STIM1: variants seen among roughly 807,000 people sequenced by gnomAD.
STIM1 encodes the protein stromal interaction molecule 1.
STIM1 carries 25 observed loss-of-function variants against 74.7 expected under a neutral mutation model. That is an observed-to-expected ratio of 0.33 (90% CI 0.24 to 0.47). The LOEUF is 0.47. Among genes scored for constraint, STIM1 ranks in the 20% least tolerant of loss-of-function variants. The pLI, the probability that STIM1 is intolerant of heterozygous loss-of-function variation, is 1.00. For synonymous variants in STIM1, 328 were observed against 348.8 expected, an observed-to-expected ratio of 0.94 and a Z score of 0.66; for missense variants, 728 against 920.8, an observed-to-expected ratio of 0.79 and a Z score of 2.71.
chr11:3,958,837 G>T (rs181407112), intron 1 of STIM1, among the ~76,000 whole-genome samples: 234 of 151,844 alleles, frequency 1.5e-3, no homozygotes, highest in Non-Finnish European at 2.7e-3. Flanking sequence ...AGGCGTGGCA[G>T]TGGAGGCTGA....
At chr11:3,873,944 G>T (rs1590514066) in intron 1 of STIM1, among the ~76,000 whole-genome samples, 1 of 152,164 alleles carries the variant, frequency 6.6e-6, no homozygotes, top group African/African-American at 2.4e-5. Context: ...AATCTCTGTG[G>T]TTATAGTCTT....
intron 7 of STIM1, among the ~76,000 whole-genome samples, chr11:4,079,987 G>A (rs1423040878): frequency 1.3e-5 from 2 of 152,020 alleles, no homozygotes; most frequent in Non-Finnish European, 2.9e-5. Context: ...GGAGGCAAAG[G>A]GCAGGCAGAT....
At chr11:4,047,324 A>G (rs2094200955) in intron 3 of STIM1, among the ~76,000 whole-genome samples, 1 of 152,106 alleles carries the variant, frequency 6.6e-6, no homozygotes. Context: ...TACAACAAGT[A>G]AAAGAATTTG....
intron 6 of STIM1, 29 bp from the exon 7 acceptor site, chr11:4,074,473 T>G: frequency 6.2e-7 from 1 of 1,612,394 alleles, no homozygotes; most frequent in African/African-American, 1.3e-5. Context: ...TTGCCTGGCC[T>G]CCTCCAGCTC....
chr11:4,066,383 C>T (rs2094365613), intron 5 of STIM1, among the ~76,000 whole-genome samples: 1 of 152,212 alleles, frequency 6.6e-6, no homozygotes, highest in African/African-American at 2.4e-5. Context: ...TTGTAGCTCC[C>T]TTTCCACCTA....
chr11:3,998,492 C>T lies in STIM1; in HGVS notation c.271-25381C>T, dbSNP rs117606727. Among the ~76,000 whole-genome samples the T allele has an allele frequency of 6.0e-3, 910 of 152,260 alleles. 4 individuals carry two copies. The highest frequency in any genetic ancestry group is 9.5e-3 in the Non-Finnish European group (647 of 68,032). ...CATGTTATAGGACAAACTCGAGAGA[C>T]ACTCCTTCAGTTATTTAATAACCAC... On this transcript the variant is annotated intron_variant, in intron 2 of 12. Transcript: ENST00000526596.
intron 1 of STIM1, among the ~76,000 whole-genome samples, chr11:3,898,703 G>A (rs1301584091): frequency 2.6e-5 from 4 of 151,840 alleles, no homozygotes; most frequent in African/African-American, 9.7e-5. Context: ...TAAGGTGTAA[G>A]GAAGGGATCC....
chr11:4,003,703 C>T (rs2093745765), intron 2 of STIM1, among the ~76,000 whole-genome samples: 1 of 152,170 alleles, frequency 6.6e-6, no homozygotes, highest in Non-Finnish European at 1.5e-5. Context: ...TCTCTCACCA[C>T]TCCTATTCAA....
At chr11:4,070,287 C>T in intron 6 of STIM1, 84 bp downstream of exon 6, 2 of 1,514,338 alleles carry the variant, frequency 1.3e-6, no homozygotes, top group Non-Finnish European at 1.8e-6. Flanking sequence ...GCCACTTGGC[C>T]CCTGAGACCT....
Position 4,084,762 on chromosome 11 carries a change from C to A in STIM1, c.1564C>A (p.Pro522Thr). ...GGATGATCAGTCCCTCTGGAAATAC[C>A]CCGGTTTGAGGAGCCCCTTTGGGGC... The part of the protein sequence containing the change: ...GSDDQSLWKY[P>T]APSLQSSVRQ... The change falls in exon 11 of 13, where the codon CCC becomes ACC. Residue 522 changes from proline (P) to threonine (T), a missense_variant. Around this residue, in one of 5 missense-constraint regions of STIM1, gnomAD observed 352 missense variants for 370.1 expected, o/e 0.95. Coordinates refer to ENST00000526596, the MANE Select transcript of STIM1 (RefSeq NM_001382567.1). 7.8e-7 allele frequency: 1 copy of A among 1,289,334 alleles called. No individual in the cohort carries two copies. Among genetic ancestry groups the A allele is most frequent in the Non-Finnish European group, 1.0e-6 (1 of 988,874 alleles). 79.9% of individuals were successfully genotyped at this position (1,289,334 alleles called of 1,614,324 possible).
At chr11:4,052,194 T>C (rs1325268709) in intron 3 of STIM1, among the ~76,000 whole-genome samples, 1 of 152,184 alleles carries the variant, frequency 6.6e-6, no homozygotes, top group Non-Finnish European at 1.5e-5. Context: ...AGGTAATTTA[T>C]AGATTCAGTG....
chr11:4,082,772 A>G (rs2094471942), intron 8 of STIM1, 110 bp from the exon 9 acceptor site: 4 of 840,224 alleles, frequency 4.8e-6, no homozygotes, highest in Admixed American at 4.2e-5. Flanking sequence ...TTCCTTGTAC[A>G]GCCTCAGTTG....
At chr11:3,870,942 G>A (rs1243390997) in intron 1 of STIM1, among the ~76,000 whole-genome samples, 2 of 142,014 alleles carry the variant, frequency 1.4e-5, no homozygotes, top group Admixed American at 7.4e-5. Flanking sequence ...GTGCGATCTC[G>A]GCTCACTGCA....
In STIM1 at chr11:3,900,966, G is replaced by A. The variant is rs552171233; in HGVS notation, c.139+44557G>A. 1.2e-4 allele frequency among the ~76,000 whole-genome samples: 18 copies of A among 152,290 alleles called. No homozygotes were observed. In the South Asian group the frequency reaches 2.9e-3, roughly 25 times the overall value. ...AGCACTTTGGGAGGCTGAGGCAGTCGGATCACTTGAGGTCAGGAGTTCAAG... is the reference window on the plus strand; with the variant it reads ...AGCACTTTGGGAGGCTGAGGCAGTCAGATCACTTGAGGTCAGGAGTTCAAG... On this transcript the variant is annotated intron_variant, in intron 1 of 12. Transcript: ENST00000526596.
intron 3 of STIM1, among the ~76,000 whole-genome samples, chr11:4,035,457 AC>A (rs1419027419): frequency 1.3e-5 from 2 of 151,884 alleles, no homozygotes; most frequent in African/African-American, 4.8e-5. Flanking sequence ...GGAAATGCAT[AC>A]CTTTAAAATC....
At chr11:3,924,772 T>C (rs572442748) in intron 1 of STIM1, among the ~76,000 whole-genome samples, 1 of 152,302 alleles carries the variant, frequency 6.6e-6, no homozygotes, top group Admixed American at 6.5e-5. Context: ...TTTTCGTGGT[T>C]ACACTTAAGT....
intron 1 of STIM1, among the ~76,000 whole-genome samples, chr11:3,861,315 G>A (rs970997069): frequency 1.3e-5 from 2 of 151,078 alleles, no homozygotes; most frequent in Non-Finnish European, 2.9e-5. Flanking sequence ...CTCACTGCAA[G>A]CTCCACCTCC....
intron 1 of STIM1, among the ~76,000 whole-genome samples, chr11:3,949,572 A>G (rs1022681769): frequency 8.5e-5 from 13 of 152,250 alleles, no homozygotes; most frequent in African/African-American, 3.1e-4. Context: ...ACCAGTGGTT[A>G]GTAAAAGCAC....
chr11:3,858,233 G>GTT (rs370455770), intron 1 of STIM1, among the ~76,000 whole-genome samples: 6 of 146,114 alleles, frequency 4.1e-5, no homozygotes, highest in Non-Finnish European at 6.0e-5. Context: ...TATTAGGAAG[G>GTT]TTTTTTTTTT....
Sources: allele counts gnomAD v4.1 joint callset (sites outside exome capture counted in the v4.1 genomes callset), GRCh38; gene constraint gnomAD v4.1.1; regional missense constraint gnomAD v4.1.1; transcripts MANE v1.5; gene names NCBI Gene and HGNC (gene_info 2026-07-23, HGNC 2026-07-21).